MSRB3: variants seen among roughly 807,000 people sequenced by gnomAD.
MSRB3 encodes methionine-R-sulfoxide reductase B3.
Under a neutral mutation model 21.0 loss-of-function variants are expected in MSRB3, and 13 were observed. The observed-to-expected ratio is 0.62, with a 90% CI of 0.40 to 0.98. The LOEUF (loss-of-function observed/expected upper bound fraction) is 0.98. Ranked by LOEUF, MSRB3 falls within the 50% of genes least tolerant of loss-of-function variation. The pLI, the probability that MSRB3 is intolerant of heterozygous loss-of-function variation, is 0.00. For synonymous variants in MSRB3, 87 were observed against 88.6 expected (o/e 0.98, Z 0.10); for missense variants, 199 against 230.3 (o/e 0.86, Z 0.88).
intron 1 of MSRB3, among the ~76,000 whole-genome samples, chr12:65,302,577 C>T (rs1873400697): frequency 6.6e-6 from 1 of 152,128 alleles, no homozygotes; most frequent in Non-Finnish European, 1.5e-5. Flanking sequence ...AAAATTACCT[C>T]TTAAAATCAC....
At chr12:65,460,273 C>A (rs903054697) in intron 6 of MSRB3, among the ~76,000 whole-genome samples, 1 of 152,230 alleles carries the variant, frequency 6.6e-6, no homozygotes, top group African/African-American at 2.4e-5. Flanking sequence ...CCTCTGGCAA[C>A]TTCCATTTAT....
chr12:65,427,447 T>C (rs903000568), intron 5 of MSRB3, among the ~76,000 whole-genome samples: 3 of 152,196 alleles, frequency 2.0e-5, no homozygotes, highest in African/African-American at 7.2e-5. Context: ...TTTTCTATGA[T>C]AATGGCAGCT....
At chr12:65,283,175 T>C (rs1025345567) in intron 1 of MSRB3, among the ~76,000 whole-genome samples, 4 of 152,234 alleles carry the variant, frequency 2.6e-5, no homozygotes, top group African/African-American at 9.6e-5. Flanking sequence ...ATTTTCTGTC[T>C]CTACCTTTCC....
At chr12:65,367,189 A>G (rs750154780) in intron 4 of MSRB3, among the ~76,000 whole-genome samples, 8 of 152,232 alleles carry the variant, frequency 5.3e-5, no homozygotes, top group Admixed American at 2.0e-4. Context: ...TAGTCTATAC[A>G]TCTTTTTTAC....
rs745726868 is a variant in MSRB3, at chr12:65,367,485, TGCA to T, written c.264-1512_264-1510del. On this transcript the variant is annotated intron_variant, in intron 4 of 6. Transcript: ENST00000308259. ...AAGAAGGAGAAAGGGCATGCATAGA[TGCA>T]AAAAATTCTCTTAACAGACATTTGA... Among the ~76,000 whole-genome samples, 257 of 152,352 alleles carry T rather than the reference TGCA, an allele frequency of 1.7e-3. 4 individuals carry two copies. The highest frequency in any genetic ancestry group is 0.01 in the Middle Eastern group (3 of 294).
intron 4 of MSRB3, among the ~76,000 whole-genome samples, chr12:65,348,164 C>A (rs1387923021): frequency 1.3e-5 from 2 of 152,146 alleles, no homozygotes; most frequent in African/African-American, 2.4e-5. Context: ...GAAATGGTAC[C>A]AGCTCCTCCT....
At chr12:65,300,502 A>G (rs1161465939) in intron 1 of MSRB3, among the ~76,000 whole-genome samples, 1 of 152,202 alleles carries the variant, frequency 6.6e-6, no homozygotes, top group Non-Finnish European at 1.5e-5. Flanking sequence ...CAAGGACATC[A>G]ATCTGGGGGC....
chr12:65,346,622 G>A (rs1876525316), intron 4 of MSRB3, among the ~76,000 whole-genome samples: 1 of 152,072 alleles, frequency 6.6e-6, no homozygotes, highest in Admixed American at 6.6e-5. Context: ...GGCTTTTGTT[G>A]CCATTGCTTT....
intron 2 of MSRB3, among the ~76,000 whole-genome samples, chr12:65,317,133 C>T (rs1397763732): frequency 6.6e-6 from 1 of 152,102 alleles, no homozygotes; most frequent in Non-Finnish European, 1.5e-5. Context: ...TTTTTGGGCC[C>T]TGATTTCCTT....
intron 1 of MSRB3, among the ~76,000 whole-genome samples, chr12:65,306,440 T>A (rs531851612): frequency 2.0e-5 from 3 of 152,326 alleles, no homozygotes; most frequent in African/African-American, 7.2e-5. Context: ...GGTTTATGAG[T>A]AATGCTACTT....
intron 4 of MSRB3, among the ~76,000 whole-genome samples, chr12:65,346,701 G>A (rs972703648): frequency 1.3e-4 from 20 of 152,226 alleles, no homozygotes; most frequent in African/African-American, 4.3e-4. Flanking sequence ...TTTTCTTCTA[G>A]GGTTTTTATG....
At chr12:65,387,663 G>C (rs142927361) in intron 5 of MSRB3, among the ~76,000 whole-genome samples, 3 of 152,062 alleles carry the variant, frequency 2.0e-5, no homozygotes, top group African/African-American at 4.8e-5. Flanking sequence ...TAAACTCTCT[G>C]AGCTTCAATT....
intron 5 of MSRB3, among the ~76,000 whole-genome samples, chr12:65,432,626 C>T (rs1194940287): frequency 1.3e-5 from 2 of 151,916 alleles, no homozygotes; most frequent in African/African-American, 4.8e-5. Flanking sequence ...TCTCCCCATC[C>T]CCCGCCATCC....
At chr12:65,296,207 G>T (rs779196199) in intron 1 of MSRB3, among the ~76,000 whole-genome samples, 166 of 152,090 alleles carry the variant, frequency 1.1e-3, no homozygotes, top group Non-Finnish European at 8.7e-4. Flanking sequence ...TTGTTGAAAT[G>T]GAAAAAGTAA....
At chr12:65,456,048 T>G (rs1330202922) in intron 6 of MSRB3, among the ~76,000 whole-genome samples, 3 of 152,214 alleles carry the variant, frequency 2.0e-5, no homozygotes, top group African/African-American at 7.2e-5. Flanking sequence ...GCAATTTAGT[T>G]TTAAATTCAA....
intron 5 of MSRB3, among the ~76,000 whole-genome samples, chr12:65,400,539 G>A (rs1052678530): frequency 3.3e-5 from 5 of 151,884 alleles, no homozygotes; most frequent in African/African-American, 1.2e-4. Context: ...TATCTATTTT[G>A]TTATTCTTTT....
intron 4 of MSRB3, among the ~76,000 whole-genome samples, chr12:65,344,537 T>A (rs906794422): frequency 6.6e-6 from 1 of 151,914 alleles, no homozygotes; most frequent in African/African-American, 2.4e-5. Flanking sequence ...TTTATAGACA[T>A]AAAGTGGTAT....
Position 65,278,715 on chromosome 12 carries a change from C to A in MSRB3, c.-202C>A. ...CCGCCGCCCCGTCCGTCGCCCGGAGCCGGGGAGGGAGGGAGCGAGGTTCGG... is the reference window on the plus strand; with the variant it reads ...CCGCCGCCCCGTCCGTCGCCCGGAGACGGGGAGGGAGGGAGCGAGGTTCGG... On this transcript the variant is annotated 5_prime_UTR_variant, in exon 1 of 7. Coordinates refer to ENST00000308259, the MANE Select transcript of MSRB3 (RefSeq NM_001031679.3). 6.7e-7 allele frequency: 1 copy of A among 1,484,422 alleles called. No individual in the cohort carries two copies. The highest frequency in any genetic ancestry group is 9.2e-7 in the Non-Finnish European group (1 of 1,089,030). The allele number at this position is 1,484,422 out of a possible 1,614,324, so 92.0% of individuals were successfully genotyped here.
At position 65,310,907 on chromosome 12, in the gene MSRB3, AG is replaced by A. The variant is rs1873946865; in HGVS notation, c.76+2255del. Among the ~76,000 whole-genome samples, 2 of 152,198 alleles carry A rather than the reference AG, an allele frequency of 1.3e-5. 1 individual carries two copies. The highest frequency in any genetic ancestry group is 1.3e-4 in the Admixed American group (2 of 15,268). Reference sequence around the variant, plus strand: ...GAGATAATAATAGTACCAACCTGAAAGGGTTGCTGTGAGAATTAAATAGATT... The same window carrying A: ...GAGATAATAATAGTACCAACCTGAAAGGTTGCTGTGAGAATTAAATAGATT... On this transcript the variant is annotated intron_variant, in intron 2 of 6. Coordinates refer to ENST00000308259, the MANE Select transcript of MSRB3 (RefSeq NM_001031679.3).
Sources: allele counts gnomAD v4.1 joint callset (sites outside exome capture counted in the v4.1 genomes callset), GRCh38; gene constraint gnomAD v4.1.1; transcripts MANE v1.5; gene names NCBI Gene and HGNC (gene_info 2026-07-23, HGNC 2026-07-21).